MAST1: variants seen among roughly 807,000 people sequenced by gnomAD.
The protein encoded by MAST1 is microtubule associated serine/threonine kinase 1.
MAST1 carries 40 observed loss-of-function variants against 124.6 expected under a neutral mutation model. The ratio of observed to expected loss-of-function variants is 0.32; its 90% confidence interval spans 0.25 to 0.42. The LOEUF (loss-of-function observed/expected upper bound fraction) is 0.42, where lower values mean the gene tolerates loss of function less well. Ranked by LOEUF, MAST1 falls within the 10% of genes least tolerant of loss-of-function variation. The pLI is 1.00. For missense variants in MAST1, 1,558 were observed against 2,181.9 expected, an observed-to-expected ratio of 0.71 and a Z score of 5.70; for synonymous variants, 938 against 939.4, an observed-to-expected ratio of 1.00 and a Z score of 0.03.
intron 24 of MAST1, among the ~76,000 whole-genome samples, chr19:12,873,092 G>A (rs1319505454): frequency 6.6e-6 from 1 of 151,852 alleles, no homozygotes. Flanking sequence ...TTGTTTGGAT[G>A]CTTGTTTCTA....
At chr19:12,852,480 T>G in intron 10 of MAST1, 85 bp downstream of exon 10, 3 of 1,289,930 alleles carry the variant, frequency 2.3e-6, no homozygotes, top group Non-Finnish European at 3.4e-6. Context: ...GCCCTCAGGC[T>G]TTGTGGATCT....
intron 7 of MAST1, chr19:12,848,643 A>C (rs1003154797): frequency 2.0e-5 from 3 of 151,056 alleles, no homozygotes; most frequent in African/African-American, 7.4e-5. Flanking sequence ...TAATAATAGT[A>C]AATAAAATAA....
chr19:12,870,994 G>A lies in MAST1; in HGVS notation c.3127-42G>A, dbSNP rs763282071. On this transcript the variant is annotated intron_variant, in intron 23 of 25. Coordinates refer to ENST00000251472, the MANE Select transcript of MAST1 (RefSeq NM_014975.3). ...CCTGGGCGGAGGGTGGGGGAGGCCT[G>A]AGCAGCCCCTAGCAGAGCATTTTCC... 5.0e-6 allele frequency: 8 copies of A among 1,613,676 alleles called. No homozygotes were observed. The East Asian group carries it at 1.8e-4, about 36-fold the overall frequency.
chr19:12,867,505 A>G lies in MAST1; in HGVS notation c.2171A>G (p.His724Arg), dbSNP rs756571627. The G allele has an allele frequency of 5.0e-6, 8 of 1,613,728 alleles. No homozygotes were observed. The South Asian group carries it at 8.8e-5, about 18-fold the overall frequency. Reference protein sequence around the residue: ...VYSSMEQLSQHEPKTPVAAAG... With the variant: ...VYSSMEQLSQREPKTPVAAAG... ...AGCAGCATGGAGCAGCTGTCGCAGC[A>G]CGAGCCCAAGACCCCAGTAGCAGCT... Residue 724 changes from histidine to arginine, a missense_variant, in exon 19 of 26, where the codon CAC becomes CGC. Around this residue, in one of 10 missense-constraint regions of MAST1, gnomAD observed 287 missense variants for 308.0 expected, o/e 0.93. Transcript: ENST00000251472.
chr19:12,866,200 C>G lies in MAST1; in HGVS notation c.2029+98C>G. On this transcript the variant is annotated intron_variant, in intron 17 of 25. Transcript: ENST00000251472. The surrounding 1 kb of genome is among the most constrained non-coding windows in gnomAD (Gnocchi z 5.2). ...GCCTGGGATAGGGCCTGGCTAAGTA[C>G]CAAGATGTGATGCCTAGGTGCGAAG... 1 of 1,514,968 alleles carries G rather than the reference C, an allele frequency of 6.6e-7. No homozygotes were observed. Among genetic ancestry groups the G allele is most frequent in the South Asian group, 1.2e-5 (1 of 81,734 alleles). The allele number at this position is 1,514,968 out of a possible 1,614,324, so 93.8% of individuals were successfully genotyped here.
rs1407399710 is a variant in MAST1, at chr19:12,868,661, G to T, written c.2585G>T (p.Gly862Val). The T allele has an allele frequency of 1.2e-6, 2 of 1,600,760 alleles. No homozygotes were observed. Among genetic ancestry groups the T allele is most frequent in the East Asian group, 2.2e-5 (1 of 44,582 alleles). Residue 862 changes from glycine to valine, a missense_variant, in exon 21 of 26, where the codon GGT becomes GTT. Gly to Val is a moderately radical substitution (Grantham distance 109). Coordinates refer to ENST00000251472, the MANE Select transcript of MAST1 (RefSeq NM_014975.3). Reference sequence around the variant, plus strand: ...GTTGCAGCTGACCGTCCACGCCCAGGTGACCTCTGCCCACCCTCGAAGGAT... The same window carrying T: ...GTTGCAGCTGACCGTCCACGCCCAGTTGACCTCTGCCCACCCTCGAAGGAT... ...DSEATDRPRP[G>V]DLCPPSKDGD...
chr19:12,867,650 G>T lies in MAST1; in HGVS notation c.2316G>T (p.Glu772Asp). 1.9e-6 allele frequency: 3 copies of T among 1,590,982 alleles called. No homozygotes were observed. Among genetic ancestry groups the T allele is most frequent in the Non-Finnish European group, 1.7e-6 (2 of 1,169,300 alleles). The part of the protein sequence containing the change: ...REKTWRGGSP[E>D]IKRFSASEAS... ...AGACCTGGAGAGGGGGCTCTCCGGA[G>T]ATGTGAGCAGGGGAATGGCGGAGTT... The change falls in exon 19 of 26, where the codon GAG (glutamate) becomes GAT (aspartate). Residue 772 changes from glutamate (E) to aspartate (D), a missense_variant and splice_region_variant. Glu to Asp is a conservative substitution (Grantham distance 45). Around this residue, in one of 10 missense-constraint regions of MAST1, gnomAD observed 287 missense variants for 308.0 expected, o/e 0.93. Transcript: ENST00000251472.
chr19:12,839,549 C>T (rs1021131065), intron 1 of MAST1, among the ~76,000 whole-genome samples: 5 of 152,202 alleles, frequency 3.3e-5, no homozygotes, highest in African/African-American at 4.8e-5. Flanking sequence ...CGCAAAATCA[C>T]ATGTTATCAC....
At position 12,866,837 on chromosome 19, in the gene MAST1, T is replaced by C. The variant is rs569204798; in HGVS notation, c.2139+75T>C. On this transcript the variant is annotated intron_variant, in intron 18 of 25. Transcript: ENST00000251472. This position sits in a 1 kb window ranked among gnomAD's most constrained non-coding sequence, Gnocchi z 5.2. Reference sequence around the variant, plus strand: ...GCTTGGAGAGACAGTGAGAAACAGGTTCCCTGGTGCCCAAGGTCTCAGGAG... The same window carrying C: ...GCTTGGAGAGACAGTGAGAAACAGGCTCCCTGGTGCCCAAGGTCTCAGGAG... The C allele has an allele frequency of 1.4e-5, 17 of 1,247,776 alleles. No homozygotes were observed. The East Asian group carries it at 3.0e-4, about 22-fold the overall frequency. The allele number at this position is 1,247,776 out of a possible 1,614,324, so 77.3% of individuals were successfully genotyped here. A position where few individuals can be genotyped will look rare whatever the true frequency, so the allele number is the denominator to read the frequency against.
Position 12,847,730 on chromosome 19 carries a change from T to TGCACTCTCGCTCGCCTTATCCCCGC in MAST1, c.564+46_564+70dup. ...GCGGTCACGGGGTGACCAGGCGGCC[T>TGCACTCTCGCTCGCCTTATCCCCGC]GCACTCTCGCTCGCCTTATCCCCGC... On this transcript the variant is annotated intron_variant, in intron 6 of 25. Coordinates refer to ENST00000251472, the MANE Select transcript of MAST1 (RefSeq NM_014975.3). The surrounding 1 kb of genome is among the most constrained non-coding windows in gnomAD (Gnocchi z 5.5). 1.0e-5 allele frequency: 16 copies of TGCACTCTCGCTCGCCTTATCCCCGC among 1,604,424 alleles called. No homozygotes were observed. Among genetic ancestry groups the TGCACTCTCGCTCGCCTTATCCCCGC allele is most frequent in the African/African-American group, 1.3e-5 (1 of 74,794 alleles).
At position 12,845,866 on chromosome 19, in the gene MAST1, C is replaced by T. The variant is rs965667258; in HGVS notation, c.328-1424C>T. The stretch of plus-strand genomic sequence containing the variant: ...TAGAGACGGGGTTTCACCCTGTTGG[C>T]CAGGCTGGTCTAGAACTCCTGACCT... On this transcript the variant is annotated intron_variant, in intron 4 of 25. Transcript: ENST00000251472. Among the ~76,000 whole-genome samples, 4 of 152,124 alleles carry T rather than the reference C, an allele frequency of 2.6e-5. No homozygotes were observed. In the East Asian group the frequency reaches 7.8e-4, roughly 30 times the overall value.
rs984596575 is a variant in MAST1, at chr19:12,865,565, C to T, written c.1804+84C>T. 53 of 1,514,054 alleles carry T rather than the reference C, an allele frequency of 3.5e-5. No individual in the cohort carries two copies. Among genetic ancestry groups the T allele is most frequent in the Admixed American group, 6.3e-5 (3 of 47,470 alleles). The allele number at this position is 1,514,054 out of a possible 1,614,324, so 93.8% of individuals were successfully genotyped here. ...CTCAGGGTTCCAGGGATTTCAAAAG[C>T]GACCCCCCAGAGGATCGCTTGCACT... On this transcript the variant is annotated intron_variant, in intron 15 of 25. Coordinates refer to ENST00000251472, the MANE Select transcript of MAST1 (RefSeq NM_014975.3). This position sits in a 1 kb window ranked among gnomAD's most constrained non-coding sequence, Gnocchi z 7.1.
Position 12,866,635 on chromosome 19 carries a change from C to T in MAST1, c.2030-18C>T, listed in dbSNP as rs780763719. The T allele has an allele frequency of 4.5e-6, 7 of 1,564,946 alleles. No homozygotes were observed. The East Asian group carries it at 9.0e-5, about 20-fold the overall frequency. Reference sequence around the variant, plus strand: ...AGGAACCCCGTACCCTCAGTCACAGCCCATACCCGCTCCCCAGCCCGCTCA... The same window carrying T: ...AGGAACCCCGTACCCTCAGTCACAGTCCATACCCGCTCCCCAGCCCGCTCA... On this transcript the variant is annotated intron_variant, in intron 17 of 25. Transcript: ENST00000251472. The surrounding 1 kb of genome is among the most constrained non-coding windows in gnomAD (Gnocchi z 5.2).
At chr19:12,871,516 A>C (rs1241034658) in intron 24 of MAST1, among the ~76,000 whole-genome samples, 1 of 152,160 alleles carries the variant, frequency 6.6e-6, no homozygotes, top group African/African-American at 2.4e-5. Context: ...CTGAGGCAGA[A>C]GAATCCCTTG....
chr19:12,844,734 G>C (rs1313543771), intron 4 of MAST1, among the ~76,000 whole-genome samples: 2 of 152,274 alleles, frequency 1.3e-5, no homozygotes, highest in Non-Finnish European at 2.9e-5. Flanking sequence ...CTGAAAATTT[G>C]GGATGCGGGG....
chr19:12,870,180 C>CA (rs35731863), intron 22 of MAST1, among the ~76,000 whole-genome samples: 1,155 of 30,588 alleles, frequency 0.038, 58 homozygotes, highest in Admixed American at 0.084. Flanking sequence ...GACACCATCT[C>CA]AAAAAAAAAA....
intron 1 of MAST1, 150 bp from the exon 2 acceptor site, chr19:12,840,296 C>A (rs1599574611): frequency 2.2e-5 from 14 of 624,902 alleles, no homozygotes; most frequent in Middle Eastern, 8.5e-4. Flanking sequence ...AGGCCTGCAC[C>A]ACCTTTCTTC....
intron 24 of MAST1, among the ~76,000 whole-genome samples, chr19:12,871,969 T>G (rs113872431): frequency 7.2e-6 from 1 of 139,128 alleles, no homozygotes; most frequent in African/African-American, 2.7e-5. Context: ...GAGCCAAGAA[T>G]GGAAGCTGTG....
At chr19:12,859,452 T>A (rs573646320) in intron 12 of MAST1, among the ~76,000 whole-genome samples, 1 of 152,244 alleles carries the variant, frequency 6.6e-6, no homozygotes, top group East Asian at 1.9e-4. Context: ...AGTGGTGCGA[T>A]CACAGCTCAC....
Sources: allele counts gnomAD v4.1 joint callset (sites outside exome capture counted in the v4.1 genomes callset), GRCh38; gene constraint gnomAD v4.1.1; regional missense constraint gnomAD v4.1.1; non-coding constraint Gnocchi (gnomAD v3.1); transcripts MANE v1.5; gene names NCBI Gene and HGNC (gene_info 2026-07-23, HGNC 2026-07-21).